CEACAM5: variants seen among roughly 807,000 people sequenced by gnomAD.
The protein encoded by CEACAM5 is cell adhesion molecule CEACAM5.
CEACAM5 carries 52 observed loss-of-function variants against 63.0 expected under a neutral mutation model. The observed-to-expected ratio is 0.83, with a 90% confidence interval of 0.66 to 1.04. CEACAM5 has a LOEUF of 1.04. Ranked by LOEUF, CEACAM5 falls within the 50% of genes least tolerant of loss-of-function variation. The probability of loss-of-function intolerance (pLI) is 0.00; values close to 1 mark genes in which losing one functional copy is unlikely to be tolerated. For synonymous variants in CEACAM5, 357 were observed against 351.3 expected (o/e 1.02, Z -0.18); for missense variants, 790 against 864.8 (o/e 0.91, Z 1.08).
intron 8 of CEACAM5, among the ~76,000 whole-genome samples, chr19:41,722,295 T>C (rs4803503): frequency 0.37 from 54,569 of 147,474 alleles, 10,313 homozygotes; most frequent in African/African-American, 0.45. Flanking sequence ...ACCTGGGCGG[T>C]GTAGTTTGCA....
Position 41,720,105 on chromosome 19 carries a change from C to T in CEACAM5, c.1668C>T (p.Leu556=). ...AGCTGTCCAATGGCAACAGGACCCT[C>T]ACTCTATTCAATGTCACAAGAAATG... The part of the protein sequence containing the change: ...RLQLSNGNRT[L]TLFNVTRNDA... Residue 556 remains leucine, a synonymous_variant, in exon 7 of 10, where the codon CTC becomes CTT. Transcript: ENST00000221992. 1 of 1,614,222 alleles carries T rather than the reference C, an allele frequency of 6.2e-7. No homozygotes were observed. Among genetic ancestry groups the T allele is most frequent in the Non-Finnish European group, 8.5e-7 (1 of 1,180,048 alleles).
At chr19:41,715,410 A>T in intron 3 of CEACAM5, 161 bp downstream of exon 3, 1 of 1,235,032 alleles carries the variant, frequency 8.1e-7, no homozygotes, top group Non-Finnish European at 1.2e-6. Context: ...GGGCAGACCA[A>T]GTCTTGACCA....
At chr19:41,721,522 C>A (rs1465734378) in intron 8 of CEACAM5, among the ~76,000 whole-genome samples, 1 of 152,250 alleles carries the variant, frequency 6.6e-6, no homozygotes, top group Non-Finnish European at 1.5e-5. Flanking sequence ...TCTGTCACCT[C>A]TTTGTGTTTT....
chr19:41,730,315 A>C lies in CEACAM5; in HGVS notation c.*1168A>C, dbSNP rs1038667344. On this transcript the variant is annotated 3_prime_UTR_variant, in exon 10 of 10. Coordinates refer to ENST00000221992, the MANE Select transcript of CEACAM5 (RefSeq NM_004363.6). ...TGGGGGCCTGTAGTCCCAGCTACTC[A>C]GGAGGCTGAGGCAGGAGAACGGCAT... Among the ~76,000 whole-genome samples, 1 of 151,798 alleles carries C rather than the reference A, an allele frequency of 6.6e-6. No homozygotes were observed. Among genetic ancestry groups the C allele is most frequent in the South Asian group, 2.1e-4 (1 of 4,808 alleles).
rs1234772629 is a variant in CEACAM5, at chr19:41,709,562, ACACACT to A, written c.65-114_65-109del. 2.3e-5 allele frequency: 33 copies of A among 1,462,100 alleles called. No homozygotes were observed. The African/African-American group carries it at 3.1e-4, about 14-fold the overall frequency. The allele number at this position is 1,462,100 out of a possible 1,614,324, so 90.6% of individuals were successfully genotyped here. A position where few individuals can be genotyped will look rare whatever the true frequency, so the allele number is the denominator to read the frequency against. ...GACACACACACACACACACACACAC[ACACACT>A]CACTCACTCCAGGGCTGGGGGATGA... On this transcript the variant is annotated intron_variant, in intron 1 of 9. Coordinates refer to ENST00000221992, the MANE Select transcript of CEACAM5 (RefSeq NM_004363.6).
At chr19:41,719,244 A>G (rs75469894) in intron 6 of CEACAM5, among the ~76,000 whole-genome samples, 2,413 of 152,306 alleles carry the variant, frequency 0.016, 62 homozygotes, top group African/African-American at 0.054. Context: ...GCCACTATAT[A>G]TATCTAACAT....
chr19:41,727,660 A>C (rs115771332), intron 9 of CEACAM5, among the ~76,000 whole-genome samples: 226 of 152,232 alleles, frequency 1.5e-3, no homozygotes, highest in African/African-American at 5.3e-3. Flanking sequence ...CCATTCCCAT[A>C]AACCTCAACA....
chr19:41,721,044 A>T lies in CEACAM5; in HGVS notation c.1894A>T (p.Ile632Leu), dbSNP rs782601271. The T allele has an allele frequency of 1.2e-6, 2 of 1,614,164 alleles. No individual in the cohort carries two copies. Among genetic ancestry groups the T allele is most frequent in the Admixed American group, 1.7e-5 (1 of 60,016 alleles). ...SPQYSWRINGIPQQHTQVLFI... is the reference protein window; with the variant it reads ...SPQYSWRINGLPQQHTQVLFI... ...GCAGTATTCTTGGCGTATCAATGGG[A>T]TACCGCAGCAACACACACAAGTTCT... The change falls in exon 8 of 10, where the codon ATA becomes TTA. Residue 632 changes from isoleucine (I) to leucine (L), a missense_variant. Ile to Leu is a conservative substitution (Grantham distance 5). Coordinates refer to ENST00000221992, the MANE Select transcript of CEACAM5 (RefSeq NM_004363.6).
downstream of CEACAM5, among the ~76,000 whole-genome samples, chr19:41,730,453 A>G (rs980218697): frequency 5.3e-5 from 8 of 151,580 alleles, no homozygotes; most frequent in Non-Finnish European, 1.0e-4. Context: ...GTCAGTCACT[A>G]CTCTTGCTGC....
In CEACAM5 at chr19:41,715,230, A is replaced by C. The variant is rs1555814744; in HGVS notation, c.684A>C (p.Ser228=). ...CAGTGAGTGCCAGGCGCAGTGATTC[A>C]GTCATCCTGAATGTCCTCTGTGAGT... ...QNPVSARRSD[S]VILNVLYGPD... is the part of the protein sequence containing the mutation. Residue 228 remains serine (S), a synonymous_variant, in exon 3 of 10, where the codon TCA becomes TCC. Transcript: ENST00000221992. 6.2e-7 allele frequency: 1 copy of C among 1,614,244 alleles called. No homozygotes were observed. The highest frequency in any genetic ancestry group is 8.5e-7 in the Non-Finnish European group (1 of 1,180,038).
At chr19:41,716,754 A>G (rs1184909432) in intron 4 of CEACAM5, among the ~76,000 whole-genome samples, 1 of 152,242 alleles carries the variant, frequency 6.6e-6, no homozygotes, top group African/African-American at 2.4e-5. Flanking sequence ...AACAGTACAT[A>G]TCTAACACAA....
chr19:41,713,140 A>G (rs568465280), intron 2 of CEACAM5, among the ~76,000 whole-genome samples: 37 of 152,296 alleles, frequency 2.4e-4, no homozygotes, highest in African/African-American at 8.7e-4. Context: ...CCCCGTCTCT[A>G]CTAAAAATAC....
chr19:41,723,201 C>T (rs1300059972), intron 8 of CEACAM5, among the ~76,000 whole-genome samples: 1 of 152,146 alleles, frequency 6.6e-6, no homozygotes, highest in Non-Finnish European at 1.5e-5. Flanking sequence ...CATGAGCCAC[C>T]GTGTCCGGCC....
At chr19:41,714,852 C>G in intron 2 of CEACAM5, 119 bp from the exon 3 acceptor site, 1 of 1,542,444 alleles carries the variant, frequency 6.5e-7, no homozygotes, top group Non-Finnish European at 8.8e-7. Flanking sequence ...ATGCACCCAC[C>G]GTGGGTTTTT....
intron 9 of CEACAM5, among the ~76,000 whole-genome samples, chr19:41,728,333 C>T (rs1735622968): frequency 6.6e-6 from 1 of 152,154 alleles, no homozygotes; most frequent in Non-Finnish European, 1.5e-5. Flanking sequence ...ACTTAAGTCC[C>T]ACCGATAAAT....
At position 41,714,961 on chromosome 19, in the gene CEACAM5, A is replaced by T. The variant is rs782404746; in HGVS notation, c.425-10A>T. Reference sequence around the variant, plus strand: ...CACACAGGGCAATCTTCTCTCTGTTATCTGCACAGCGGAGCTGCCCAAGCC... The same window carrying T: ...CACACAGGGCAATCTTCTCTCTGTTTTCTGCACAGCGGAGCTGCCCAAGCC... On this transcript the variant is annotated splice_polypyrimidine_tract_variant and intron_variant, in intron 2 of 9. Transcript: ENST00000221992. 5.8e-5 allele frequency: 94 copies of T among 1,614,052 alleles called. 1 individual carries two copies. Among genetic ancestry groups the T allele is most frequent in the South Asian group, 2.4e-4 (22 of 91,082 alleles).
intron 2 of CEACAM5, among the ~76,000 whole-genome samples, chr19:41,711,989 G>C (rs782790518): frequency 6.6e-6 from 1 of 152,202 alleles, no homozygotes; most frequent in Non-Finnish European, 1.5e-5. Context: ...AGGAGAATGA[G>C]CTTCCGCTGT....
At chr19:41,718,880 G>A (rs1157624239) in intron 6 of CEACAM5, among the ~76,000 whole-genome samples, 2 of 152,246 alleles carry the variant, frequency 1.3e-5, no homozygotes, top group African/African-American at 2.4e-5. Flanking sequence ...CTCCCCCAGT[G>A]ACTGGCCCTG....
At chr19:41,716,364 G>T (rs73932035) in intron 4 of CEACAM5, among the ~76,000 whole-genome samples, 4,108 of 152,336 alleles carry the variant, frequency 0.027, 180 homozygotes, top group African/African-American at 0.093. Flanking sequence ...ACACAGCTCA[G>T]ACTGCTCCCT....
Sources: allele counts gnomAD v4.1 joint callset (sites outside exome capture counted in the v4.1 genomes callset), GRCh38; gene constraint gnomAD v4.1.1; transcripts MANE v1.5; gene names NCBI Gene and HGNC (gene_info 2026-07-23, HGNC 2026-07-21).